Variants in MIB2 observed in about 807,000 individuals in gnomAD.
The protein encoded by MIB2 is MIB E3 ubiquitin protein ligase 2.
In MIB2, 78 loss-of-function variants were observed where a neutral mutation model predicts 96.6. That is an observed-to-expected ratio of 0.81 (90% CI 0.67 to 0.97). The LOEUF (loss-of-function observed/expected upper bound fraction) is 0.97, where lower values mean the gene tolerates loss of function less well. Ranked by LOEUF, MIB2 falls within the 50% of genes least tolerant of loss-of-function variation. The pLI, the probability that MIB2 is intolerant of heterozygous loss-of-function variation, is 0.00. For missense variants in MIB2, 1,543 were observed against 1,424.0 expected (o/e 1.08, Z -1.35); for synonymous variants, 820 against 629.5 (o/e 1.30, Z -4.53).
In MIB2 at chr1:1,625,639, G is replaced by C. The variant is rs550070819; in HGVS notation, c.958G>C (p.Gly320Arg). 3.2e-6 allele frequency: 5 copies of C among 1,561,590 alleles called. No individual in the cohort carries two copies. The African/African-American group carries it at 5.4e-5, about 17-fold the overall frequency. ...CGAGACGCGCTGGACCTTCCACCCC[G>C]GGGCGCTCACCAAGGTGCCGGGGGG... ...NHETRWTFHP[G>R]ALTKHHSFWV... Residue 320 changes from glycine to arginine, a missense_variant, in exon 8 of 20, where the codon GGG becomes CGG. Physicochemically the swap from Gly to Arg is moderately radical, Grantham distance 125. Coordinates refer to ENST00000355826, the MANE Select transcript of MIB2 (RefSeq NM_001170687.4). The surrounding 1 kb of genome is among the most constrained non-coding windows in gnomAD (Gnocchi z 5.0).
Position 1,625,985 on chromosome 1 carries a change from G to A in MIB2, c.972+332G>A. ...AAGATGCTCCTGGTTAGTGCTGTATGGGGGCCGATGGGGGTGGCTGGTTAG... is the reference window on the plus strand; with the variant it reads ...AAGATGCTCCTGGTTAGTGCTGTATAGGGGCCGATGGGGGTGGCTGGTTAG... On this transcript the variant is annotated intron_variant, in intron 8 of 19. Coordinates refer to ENST00000355826, the MANE Select transcript of MIB2 (RefSeq NM_001170687.4). This position sits in a 1 kb window ranked among gnomAD's most constrained non-coding sequence, Gnocchi z 5.0. 2 of 354,290 alleles carry A rather than the reference G, an allele frequency of 5.6e-6. No individual in the cohort carries two copies. The highest frequency in any genetic ancestry group is 5.2e-6 in the Non-Finnish European group (1 of 191,364). The allele number at this position is 354,290 out of a possible 1,614,324, so 21.9% of individuals were successfully genotyped here.
Position 1,628,732 on chromosome 1 carries a change from TGTGGCGTGGGGTGCTGGAGAGGCTGCG to T in MIB2, c.2202+17_2202+43del. 1 of 1,521,588 alleles carries T rather than the reference TGTGGCGTGGGGTGCTGGAGAGGCTGCG, an allele frequency of 6.6e-7. No individual in the cohort carries two copies. The highest frequency in any genetic ancestry group is 8.8e-7 in the Non-Finnish European group (1 of 1,131,520). The allele number at this position is 1,521,588 out of a possible 1,614,324, so 94.3% of individuals were successfully genotyped here. ...GCAGCTGCTGTCCAGGGTGAGGAAG[TGTGGCGTGGGGTGCTGGAGAGGCTGCG>T]GTGGCGCCGGCAGCAGGCTCTGGGC... On this transcript the variant is annotated intron_variant, in intron 16 of 19. Coordinates refer to ENST00000355826, the MANE Select transcript of MIB2 (RefSeq NM_001170687.4).
chr1:1,626,716 C>T lies in MIB2; in HGVS notation c.1039C>T (p.Gln347Ter). Residue 347 changes from glutamine to a stop codon, truncating the protein, a stop_gained, in exon 9 of 20, where the codon CAG (glutamine) becomes TAG (stop). Coordinates refer to ENST00000355826, the MANE Select transcript of MIB2 (RefSeq NM_001170687.4). LOFTEE classifies it high-confidence loss of function. The surrounding 1 kb of genome is among the most constrained non-coding windows in gnomAD (Gnocchi z 5.3). The part of the protein sequence containing the change: ...IGDLDTVKRL[Q>*]AGHGEWTDDM... Reference sequence around the variant, plus strand: ...CGACCTTGACACAGTGAAGCGGCTGCAGGCTGGGCATGGCGAGTGGACGGA... The same window carrying T: ...CGACCTTGACACAGTGAAGCGGCTGTAGGCTGGGCATGGCGAGTGGACGGA... 1 of 1,601,032 alleles carries T rather than the reference C, an allele frequency of 6.2e-7. No homozygotes were observed. Among genetic ancestry groups the T allele is most frequent in the Non-Finnish European group, 8.5e-7 (1 of 1,173,748 alleles).
intron 2 of MIB2, chr1:1,623,107 A>C: frequency 9.8e-5 from 44 of 450,240 alleles, no homozygotes; most frequent in East Asian, 1.2e-4. Flanking sequence ...GGCTGTGGGA[A>C]GAGATGGTGG....
rs1353801391 is a variant in MIB2, at chr1:1,625,381, C to T, written c.817C>T (p.Arg273Trp). The T allele has an allele frequency of 9.4e-6, 15 of 1,588,344 alleles. No homozygotes were observed. The highest frequency in any genetic ancestry group is 2.3e-5 in the East Asian group (1 of 43,396). ...GTGTCTGCTGGACACTGATGTCCTG[C>T]GGGAGATGCAGGAAGGCCACGGCGG... The part of the protein sequence containing the change: ...VKCLLDTDVL[R>W]EMQEGHGGWN... The change falls in exon 7 of 20, where the codon CGG becomes TGG. Residue 273 changes from arginine to tryptophan, a missense_variant. By Grantham distance (101) the Arg-to-Trp change is moderately radical. Coordinates refer to ENST00000355826, the MANE Select transcript of MIB2 (RefSeq NM_001170687.4). The surrounding 1 kb of genome is among the most constrained non-coding windows in gnomAD (Gnocchi z 5.0).
At position 1,625,331 on chromosome 1, in the gene MIB2, C is replaced by G; in HGVS notation, c.767C>G (p.Pro256Arg). The change falls in exon 7 of 20, where the codon CCC (proline) becomes CGC (arginine). Residue 256 changes from proline (P) to arginine (R), a missense_variant. Pro to Arg is a moderately radical substitution (Grantham distance 103, BLOSUM62 -2). Coordinates refer to ENST00000355826, the MANE Select transcript of MIB2 (RefSeq NM_001170687.4). This position sits in a 1 kb window ranked among gnomAD's most constrained non-coding sequence, Gnocchi z 5.0. ...LQRRVSADSQ[P>R]FQHGDKVKCL... The stretch of plus-strand genomic sequence containing the variant: ...CGCAGGGTGAGTGCTGACAGCCAGC[C>G]CTTCCAGCACGGGGACAAGGTCAAG... 3.2e-6 allele frequency: 5 copies of G among 1,578,958 alleles called. No individual in the cohort carries two copies. Among genetic ancestry groups the G allele is most frequent in the Non-Finnish European group, 4.3e-6 (5 of 1,163,242 alleles).
intron 16 of MIB2, among the ~76,000 whole-genome samples, 158 bp downstream of exon 16, chr1:1,628,880 C>T (rs1380549623): frequency 2.0e-5 from 3 of 152,210 alleles, no homozygotes; most frequent in African/African-American, 7.2e-5. Flanking sequence ...TCTATGTGAT[C>T]CTTCAGCCTG....
At chr1:1,628,229 C>T (rs1366716472) in intron 14 of MIB2, 44 bp from the exon 15 acceptor site, 2 of 1,612,632 alleles carry the variant, frequency 1.2e-6, no homozygotes, top group East Asian at 2.2e-5. Flanking sequence ...GCTGTGCTGC[C>T]TGGGGGCAGT....
rs992269096 is a variant in MIB2, at chr1:1,630,487, T to C, written c.2825T>C (p.Ile942Thr). 2 of 1,593,694 alleles carry C rather than the reference T, an allele frequency of 1.3e-6. No individual in the cohort carries two copies. The highest frequency in any genetic ancestry group is 1.4e-5 in the African/African-American group (1 of 73,984). ...PCGSALSACP[I>T]CRQPIRDRIQ... is the part of the protein sequence containing the mutation. ...GGCTCCGCGCTCAGCGCCTGCCCCA[T>C]CTGCCGCCAGCCCATCCGCGACCGC... The change falls in exon 20 of 20, where the codon ATC becomes ACC. Residue 942 changes from isoleucine (I) to threonine (T), a missense_variant. Coordinates refer to ENST00000355826, the MANE Select transcript of MIB2 (RefSeq NM_001170687.4).
In MIB2 at chr1:1,629,557, G is replaced by A; in HGVS notation, c.2554G>A (p.Val852Met). Residue 852 changes from valine to methionine, a missense_variant, in exon 18 of 20, where the codon GTG (valine) becomes ATG (methionine). Physicochemically the swap from Val to Met is conservative, Grantham distance 21. Coordinates refer to ENST00000355826, the MANE Select transcript of MIB2 (RefSeq NM_001170687.4). ...VLFSPCQHRT[V>M]CEECARRMKK... Reference sequence around the variant, plus strand: ...GTTCTCGCCGTGCCAGCACCGCACCGTGTGTGAGGGTGAGTGGGGGGCCCC... The same window carrying A: ...GTTCTCGCCGTGCCAGCACCGCACCATGTGTGAGGGTGAGTGGGGGGCCCC... 1 of 1,551,480 alleles carries A rather than the reference G, an allele frequency of 6.4e-7. No homozygotes were observed. Among genetic ancestry groups the A allele is most frequent in the Admixed American group, 1.9e-5 (1 of 51,816 alleles).
In MIB2 at chr1:1,628,584, G is replaced by A. The variant is rs1645043740; in HGVS notation, c.2064G>A (p.Val688=). ...QAHVGLVPLL[V]DAGCSVNAED... is the part of the protein sequence containing the mutation. The stretch of plus-strand genomic sequence containing the variant: ...ACGTGGGGCTGGTGCCGCTACTGGT[G>A]GACGCTGGGTGCAGTGTCAACGCCG... Residue 688 remains valine (V), a synonymous_variant, in exon 16 of 20, where the codon GTG becomes GTA. Coordinates refer to ENST00000355826, the MANE Select transcript of MIB2 (RefSeq NM_001170687.4). The A allele has an allele frequency of 1.2e-6, 2 of 1,600,808 alleles. No homozygotes were observed. Among genetic ancestry groups the A allele is most frequent in the Non-Finnish European group, 8.5e-7 (1 of 1,178,048 alleles).
chr1:1,615,225 C>T (rs972003575), upstream of MIB2: 2 of 765,942 alleles, frequency 2.6e-6, no homozygotes, highest in African/African-American at 1.9e-5. Context: ...CTGGTGGAGT[C>T]GGAAAGAGGT....
chr1:1,628,327 G>T lies in MIB2; in HGVS notation c.1896G>T (p.Glu632Asp), dbSNP rs200650601. Residue 632 changes from glutamate to aspartate, a missense_variant, in exon 15 of 20, where the codon GAG becomes GAT. Glu to Asp is a conservative substitution (Grantham distance 45). Transcript: ENST00000355826. ...GGCAGCTGGTGGACGCCAAGAAGGAGGACGGCTTCACGGCGCTGCATCTGG... is the reference window on the plus strand; with the variant it reads ...GGCAGCTGGTGGACGCCAAGAAGGATGACGGCTTCACGGCGCTGCATCTGG... ...RARQLVDAKKEDGFTALHLAA... is the reference protein window; with the variant it reads ...RARQLVDAKKDDGFTALHLAA... The T allele has an allele frequency of 3.7e-6, 6 of 1,612,782 alleles. No individual in the cohort carries two copies. The African/African-American group carries it at 5.3e-5, about 14-fold the overall frequency.
At chr1:1,618,430 T>C (rs976725074) in intron 2 of MIB2, 5 of 152,716 alleles carry the variant, frequency 3.3e-5, no homozygotes, top group African/African-American at 1.2e-4. Flanking sequence ...GAGGGCTTGA[T>C]TTCCAGGCTG....
rs1198556493 is a variant in MIB2 at position 1,625,329 on chromosome 1, G to A, written c.765G>A (p.Gln255=). The A allele has an allele frequency of 5.1e-6, 8 of 1,579,044 alleles. No homozygotes were observed. The highest frequency in any genetic ancestry group is 6.9e-6 in the Non-Finnish European group (8 of 1,163,456). Residue 255 remains glutamine, a synonymous_variant, in exon 7 of 20, where the codon CAG becomes CAA. Transcript: ENST00000355826. The surrounding 1 kb of genome is among the most constrained non-coding windows in gnomAD (Gnocchi z 5.0). ...AGCGCAGGGTGAGTGCTGACAGCCA[G>A]CCCTTCCAGCACGGGGACAAGGTCA... ...ELQRRVSADS[Q]PFQHGDKVKC... is the part of the protein sequence containing the mutation.
At chr1:1,627,960 C>T in intron 13 of MIB2, 59 bp from the exon 14 acceptor site, 20 of 1,607,596 alleles carry the variant, frequency 1.2e-5, no homozygotes, top group Non-Finnish European at 1.7e-5. Context: ...CCCTGGGTGC[C>T]CTGGCTCTTG....
intron 2 of MIB2, among the ~76,000 whole-genome samples, chr1:1,620,146 GC>G: frequency 6.6e-6 from 1 of 152,366 alleles, no homozygotes; most frequent in South Asian, 2.1e-4. Flanking sequence ...GGGGCACCCT[GC>G]CCCTGTCTTT....
intron 16 of MIB2, 149 bp downstream of exon 16, chr1:1,628,871 C>T: frequency 1.3e-6 from 1 of 798,662 alleles, no homozygotes; most frequent in East Asian, 2.7e-5. Context: ...GAGCCAAGTT[C>T]TATGTGATCC....
At position 1,627,127 on chromosome 1, in the gene MIB2, CA is replaced by C; in HGVS notation, c.1295del (p.His432ProfsTer49). 1 of 1,598,552 alleles carries C rather than the reference CA, an allele frequency of 6.3e-7. No individual in the cohort carries two copies. The highest frequency in any genetic ancestry group is 8.5e-7 in the Non-Finnish European group (1 of 1,173,056). ...TCGGGCCCAGAAGAGTGACCCAGAG[CA>C]CCCGGGAAGGCTGGTGGTGGAGGTG... The part of the protein sequence containing the change: ...KLRAQKSDPE[H>X]PGRLVVEVAL... On this transcript the variant is annotated frameshift_variant, in exon 11 of 20. Coordinates refer to ENST00000355826, the MANE Select transcript of MIB2 (RefSeq NM_001170687.4). LOFTEE classifies it high-confidence loss of function.
Sources: allele counts gnomAD v4.1 joint callset (sites outside exome capture counted in the v4.1 genomes callset), GRCh38; gene constraint gnomAD v4.1.1; non-coding constraint Gnocchi (gnomAD v3.1); transcripts MANE v1.5; gene names NCBI Gene and HGNC (gene_info 2026-07-23, HGNC 2026-07-21).